The following RAF1 variants were observed in gnomAD, a reference collection of about 807,000 sequenced individuals.
The protein encoded by RAF1 is RAF proto-oncogene serine/threonine-protein kinase.
A neutral mutation model predicts 81.1 loss-of-function variants in RAF1; 27 were observed. That is an observed-to-expected ratio of 0.33 (90% CI 0.25 to 0.46). RAF1 has a LOEUF of 0.46. Among genes scored for constraint, RAF1 ranks in the 20% least tolerant of loss-of-function variants. The probability of loss-of-function intolerance (pLI) is 1.00; values close to 1 mark genes in which losing one functional copy is unlikely to be tolerated. For missense variants in RAF1, 598 were observed against 826.0 expected (o/e 0.72, Z 3.38); for synonymous variants, 298 against 294.0 (o/e 1.01, Z -0.14).
At chr3:12,585,317 A>T in intron 15 of RAF1, 64 bp from the exon 15 acceptor site, 1 of 1,607,386 alleles carries the variant, frequency 6.2e-7, no homozygotes, top group East Asian at 2.2e-5. Context: ...ACAGACATCT[A>T]GGGGCCAGGC....
rs911375868 is a variant in RAF1, at chr3:12,645,225, T to C, written c.-27+18588A>G. On this transcript the variant is annotated intron_variant, in intron 1 of 17. Transcript: ENST00000442415. The stretch of plus-strand genomic sequence containing the variant: ...AACCTAACTTCTGAGAACCCAGCAA[T>C]GCTTTTTGTGTAGTTCCGACTCAAA... Among the ~76,000 whole-genome samples, 4 of 151,956 alleles carry C rather than the reference T, an allele frequency of 2.6e-5. No homozygotes were observed. The East Asian group carries it at 7.7e-4, about 29-fold the overall frequency.
chr3:12,601,339 CTTAT>C (rs2125385512), intron 8 of RAF1, among the ~76,000 whole-genome samples: 1 of 152,262 alleles, frequency 6.6e-6, no homozygotes, highest in African/African-American at 2.4e-5. Context: ...AAAACACTGC[CTTAT>C]GGGTAAATTT....
At chr3:12,586,539 A>G (rs1248245487) in intron 14 of RAF1, among the ~76,000 whole-genome samples, 1 of 151,976 alleles carries the variant, frequency 6.6e-6, no homozygotes, top group African/African-American at 2.4e-5. Flanking sequence ...GCTGCTAAAA[A>G]CCCCACCACT....
intron 1 of RAF1, among the ~76,000 whole-genome samples, chr3:12,635,702 G>C (rs1187121412): frequency 6.6e-6 from 1 of 150,604 alleles, no homozygotes; most frequent in Non-Finnish European, 1.5e-5. Context: ...GGCTGGGCGC[G>C]GTGGCTCACG....
In RAF1 at chr3:12,663,721, C is replaced by T. The variant is rs1260640006; in HGVS notation, c.-27+92G>A. The stretch of plus-strand genomic sequence containing the variant: ...CCCGGCAGCCGCGGGGCCGCTCCAT[C>T]AGCGCCACCCAGGCCCGGTCGCCCT... On this transcript the variant is annotated intron_variant, in intron 1 of 17. Coordinates refer to ENST00000442415, the MANE Select transcript of RAF1 (RefSeq NM_001354689.3). 2.0e-5 allele frequency: 8 copies of T among 394,158 alleles called. No homozygotes were observed. In the East Asian group the frequency reaches 2.9e-4, roughly 14 times the overall value. The allele number at this position is 394,158 out of a possible 1,614,324, so 24.4% of individuals were successfully genotyped here.
At chr3:12,631,599 A>AAAAAC (rs779916699) in intron 1 of RAF1, among the ~76,000 whole-genome samples, 17 of 152,220 alleles carry the variant, frequency 1.1e-4, no homozygotes, top group African/African-American at 3.1e-4. Context: ...ACTCCATCTC[A>AAAAAC]AAAACAAAAC....
chr3:12,600,464 C>G, intron 8 of RAF1, 49 bp from the exon 8 acceptor site: 6 of 1,606,844 alleles, frequency 3.7e-6, no homozygotes, highest in Non-Finnish European at 5.1e-6. Flanking sequence ...AAAAGATTTT[C>G]TCTGGGGGAG....
At chr3:12,648,482 A>G (rs2125555624) in intron 1 of RAF1, among the ~76,000 whole-genome samples, 1 of 152,318 alleles carries the variant, frequency 6.6e-6, no homozygotes, top group South Asian at 2.1e-4. Flanking sequence ...ATATAAGTGA[A>G]TCATTCATTC....
chr3:12,608,104 T>A (rs2059099072), intron 5 of RAF1, among the ~76,000 whole-genome samples: 1 of 152,060 alleles, frequency 6.6e-6, no homozygotes, highest in Admixed American at 6.6e-5. Flanking sequence ...ATAATAACAC[T>A]CCCTTGGTTT....
intron 1 of RAF1, among the ~76,000 whole-genome samples, chr3:12,649,589 TCA>T (rs3072126): frequency 0.017 from 2,494 of 150,372 alleles, 26 homozygotes; most frequent in South Asian, 0.055. Context: ...CCAGAGACTG[TCA>T]CACACACACA....
At chr3:12,619,862 C>T (rs979156991) in intron 1 of RAF1, among the ~76,000 whole-genome samples, 1 of 151,994 alleles carries the variant, frequency 6.6e-6, no homozygotes, top group Non-Finnish European at 1.5e-5. Flanking sequence ...ATGGGCGGAT[C>T]ACAAGGTCAG....
intron 1 of RAF1, among the ~76,000 whole-genome samples, chr3:12,652,959 TAA>T (rs2060578922): frequency 6.6e-6 from 1 of 150,512 alleles, no homozygotes; most frequent in African/African-American, 2.4e-5. Flanking sequence ...AAAATTTTTT[TAA>T]TTAAATAAAT....
chr3:12,596,373 T>A lies in RAF1; in HGVS notation c.1168+3318A>T, dbSNP rs58942085. Among the ~76,000 whole-genome samples the A allele has an allele frequency of 3.6e-3, 551 of 151,902 alleles. 1 individual carries two copies. The highest frequency in any genetic ancestry group is 6.8e-3 in the Middle Eastern group (2 of 294). On this transcript the variant is annotated intron_variant, in intron 11 of 17. Coordinates refer to ENST00000442415, the MANE Select transcript of RAF1 (RefSeq NM_001354689.3). ...CACACCCGGCTAATTTTTTTATTTT[T>A]AGTGGAGACAGGGTTTCACCATGTC...
At chr3:12,593,805 T>C (rs921854620) in intron 11 of RAF1, among the ~76,000 whole-genome samples, 46 of 138,440 alleles carry the variant, frequency 3.3e-4, no homozygotes, top group Non-Finnish European at 6.9e-4. Flanking sequence ...TTTTTTTTTT[T>C]CTTTTTTAGA....
chr3:12,639,395 T>C (rs565643470), intron 1 of RAF1, among the ~76,000 whole-genome samples: 188 of 152,184 alleles, frequency 1.2e-3, no homozygotes, highest in African/African-American at 4.4e-3. Flanking sequence ...GAGAAAGAAA[T>C]AAAGGGTATT....
Position 12,611,908 on chromosome 3 carries a change from C to A in RAF1, c.320+42G>T, listed in dbSNP as rs750393607. 7 of 1,387,790 alleles carry A rather than the reference C, an allele frequency of 5.0e-6. No homozygotes were observed. The South Asian group carries it at 8.1e-5, about 16-fold the overall frequency. 86.0% of individuals were successfully genotyped at this position (1,387,790 alleles called of 1,614,324 possible). ...ACATAGCTATTTGAAGCTAGAAGAT[C>A]CTTACTAGTCTGAAGAAGTCAATTG... On this transcript the variant is annotated intron_variant, in intron 3 of 17. Coordinates refer to ENST00000442415, the MANE Select transcript of RAF1 (RefSeq NM_001354689.3).
chr3:12,620,433 C>A (rs1247138043), intron 1 of RAF1, among the ~76,000 whole-genome samples: 2 of 151,714 alleles, frequency 1.3e-5, no homozygotes, highest in South Asian at 2.1e-4. Flanking sequence ...CCGTGCCCAG[C>A]CAGATTTTTA....
At chr3:12,607,580 C>T (rs921312755) in intron 5 of RAF1, among the ~76,000 whole-genome samples, 8 of 151,684 alleles carry the variant, frequency 5.3e-5, no homozygotes, top group African/African-American at 1.5e-4. Context: ...CCCGAGAGGT[C>T]GAGGCTACAG....
chr3:12,583,617 T>C lies in RAF1; in HGVS notation c.*897A>G. On this transcript the variant is annotated 3_prime_UTR_variant, in exon 18 of 18. Coordinates refer to ENST00000442415, the MANE Select transcript of RAF1 (RefSeq NM_001354689.3). Reference sequence around the variant, plus strand: ...AGCCAGCCATTACACCTAAATTTAATTTATTTTATTAAAATAACATAATTG... The same window carrying C: ...AGCCAGCCATTACACCTAAATTTAACTTATTTTATTAAAATAACATAATTG... 1 of 231,914 alleles carries C rather than the reference T, an allele frequency of 4.3e-6. No homozygotes were observed. Among genetic ancestry groups the C allele is most frequent in the Non-Finnish European group, 8.5e-6 (1 of 117,240 alleles). 14.4% of individuals were successfully genotyped at this position (231,914 alleles called of 1,614,324 possible).
Sources: gnomAD v4.1 joint callset for allele counts (sites outside exome capture counted in the v4.1 genomes callset) on GRCh38, gnomAD v4.1.1 for gene constraint, MANE v1.5 for transcripts, NCBI Gene and HGNC (gene_info 2026-07-23, HGNC 2026-07-21) for gene names.